The following DNAJC18 variants were observed in gnomAD, a reference collection of about 807,000 sequenced individuals.
The protein encoded by DNAJC18 is DnaJ heat shock protein family (Hsp40) member C18.
A neutral mutation model predicts 48.6 loss-of-function variants in DNAJC18; 40 were observed. That is an observed-to-expected ratio of 0.82 (90% CI 0.64 to 1.07). The LOEUF (loss-of-function observed/expected upper bound fraction) is 1.07, where lower values mean the gene tolerates loss of function less well. Among genes scored for constraint, DNAJC18 ranks in the 50% least tolerant of loss-of-function variants. DNAJC18 has a pLI of 0.00. For synonymous variants in DNAJC18, 135 were observed against 152.2 expected, an observed-to-expected ratio of 0.89 and a Z score of 0.83; for missense variants, 340 against 427.7, an observed-to-expected ratio of 0.79 and a Z score of 1.81.
rs765524060 is a variant in DNAJC18 at position 139,437,373 on chromosome 5, T to C, written c.226A>G (p.Arg76Gly). 1.9e-6 allele frequency: 3 copies of C among 1,607,766 alleles called. No homozygotes were observed. Among genetic ancestry groups the C allele is most frequent in the Admixed American group, 1.7e-5 (1 of 58,946 alleles). ...CATTTAATCTCACCACATGCTCACC[T>C]TTGTACCCCAAGCAGCTGTTCCTCA... is the stretch of plus-strand genomic sequence containing the variant. ...YSEEQLLGVQRIKKCRNYYEI... is the reference protein window; with the variant it reads ...YSEEQLLGVQGIKKCRNYYEI... The change falls in exon 2 of 8, where the codon AGG becomes GGG. Residue 76 changes from arginine (R) to glycine (G), a missense_variant and splice_region_variant. Arg to Gly is a moderately radical substitution (Grantham distance 125, BLOSUM62 -2). Coordinates refer to ENST00000302060, the MANE Select transcript of DNAJC18 (RefSeq NM_152686.4).
intron 2 of DNAJC18, among the ~76,000 whole-genome samples, chr5:139,433,956 A>G (rs1417153662): frequency 6.6e-6 from 1 of 152,102 alleles, no homozygotes; most frequent in East Asian, 1.9e-4. Context: ...CAATGGCACA[A>G]TCACAGCTCA....
At chr5:139,438,427 A>C (rs2152085818) in intron 1 of DNAJC18, among the ~76,000 whole-genome samples, 1 of 152,258 alleles carries the variant, frequency 6.6e-6, no homozygotes, top group South Asian at 2.1e-4. Context: ...TGTGTGGCCC[A>C]AGACAATTCT....
rs868863471 is a variant in DNAJC18, at chr5:139,427,796, T to C, written c.373+742A>G. 2.6e-5 allele frequency among the ~76,000 whole-genome samples: 4 copies of C among 152,242 alleles called. No individual in the cohort carries two copies. The East Asian group carries it at 7.7e-4, about 29-fold the overall frequency. ...GTCCCACCTTTTTTGTTTTTCATTA[T>C]GTTAAATTTTTTGGAAGAACAGATC... On this transcript the variant is annotated intron_variant, in intron 3 of 7. Transcript: ENST00000302060.
intron 2 of DNAJC18, among the ~76,000 whole-genome samples, chr5:139,429,219 G>A (rs189426242): frequency 6.6e-6 from 1 of 151,648 alleles, no homozygotes; most frequent in African/African-American, 2.4e-5. Context: ...GAGTAGCTGA[G>A]ATTACAGGGA....
chr5:139,414,586 A>C (rs1759044509), intron 7 of DNAJC18, among the ~76,000 whole-genome samples: 1 of 152,256 alleles, frequency 6.6e-6, no homozygotes, highest in Admixed American at 6.5e-5. Context: ...ACCACCCTAT[A>C]GCCTCCTACA....
intron 2 of DNAJC18, among the ~76,000 whole-genome samples, chr5:139,435,730 T>TTTTTTTTTTC (rs1438818286): frequency 7.6e-6 from 1 of 131,916 alleles, no homozygotes; most frequent in East Asian, 2.6e-4. Context: ...TTTTTTTTTT[T>TTTTTTTTTTC]TTCAGACAAG....
At chr5:139,432,245 A>C (rs1458737288) in intron 2 of DNAJC18, among the ~76,000 whole-genome samples, 1 of 151,040 alleles carries the variant, frequency 6.6e-6, no homozygotes, top group African/African-American at 2.4e-5. Context: ...ACTCACTGCA[A>C]CCTCCTCCTC....
At chr5:139,429,309 C>G (rs902652733) in intron 2 of DNAJC18, among the ~76,000 whole-genome samples, 12 of 152,070 alleles carry the variant, frequency 7.9e-5, no homozygotes, top group Non-Finnish European at 7.4e-5. Flanking sequence ...GTCTCAAACT[C>G]CTGACCTTGT....
chr5:139,426,388 CACAG>C, intron 3 of DNAJC18, 31 bp from the exon 4 acceptor site: 1 of 1,610,180 alleles, frequency 6.2e-7, no homozygotes, highest in Non-Finnish European at 8.5e-7. Flanking sequence ...CACATGAGGA[CACAG>C]TCTTTGCTAT....
intron 2 of DNAJC18, among the ~76,000 whole-genome samples, chr5:139,434,764 G>GTGTGTT (rs1327332400): frequency 6.6e-6 from 1 of 152,076 alleles, no homozygotes; most frequent in Admixed American, 6.6e-5. Flanking sequence ...GTGTGTGTGT[G>GTGTGTT]TGTGTATTCA....
intron 2 of DNAJC18, among the ~76,000 whole-genome samples, chr5:139,434,942 T>C (rs1750613213): frequency 6.6e-6 from 1 of 152,224 alleles, no homozygotes; most frequent in African/African-American, 2.4e-5. Flanking sequence ...GTCTTGTTCC[T>C]GATCTTGGTG....
At position 139,411,941 on chromosome 5, in the gene DNAJC18, C is replaced by G. The variant is rs529158139; in HGVS notation, c.*2207G>C. The stretch of plus-strand genomic sequence containing the variant: ...TGTGTGTAGAAGAACTTTCCATAAG[C>G]CTGTTTGGCTCATGGACATATTTTA... On this transcript the variant is annotated 3_prime_UTR_variant, in exon 8 of 8. Coordinates refer to ENST00000302060, the MANE Select transcript of DNAJC18 (RefSeq NM_152686.4). 7 of 152,220 alleles carry G rather than the reference C, an allele frequency of 4.6e-5. No individual in the cohort carries two copies. In the East Asian group the frequency reaches 1.2e-3, roughly 25 times the overall value. The allele number at this position is 152,220 out of a possible 1,614,324, so 9.4% of individuals were successfully genotyped here. A position where few individuals can be genotyped will look rare whatever the true frequency, so the allele number is the denominator to read the frequency against.
At chr5:139,426,539 G>A (rs915166166) in intron 3 of DNAJC18, among the ~76,000 whole-genome samples, 182 bp from the exon 4 acceptor site, 3 of 152,068 alleles carry the variant, frequency 2.0e-5, no homozygotes, top group South Asian at 2.1e-4. Context: ...TTCCCTGATC[G>A]CCAGAAACAA....
In DNAJC18 at chr5:139,420,055, T is replaced by C; in HGVS notation, c.950A>G (p.Gln317Arg). Residue 317 changes from glutamine to arginine, a missense_variant and splice_region_variant, in exon 7 of 8, where the codon CAA becomes CGA. Gln to Arg is a conservative substitution (Grantham distance 43). Transcript: ENST00000302060. ...ATGCCCCTTTTACAGTATCTTACTT[T>C]GTTGTTTCTCCTTCCAACAACTAGT... ...IQTSCWKEKQ[Q>R]KSELTNLAGL... The C allele has an allele frequency of 6.4e-7, 1 of 1,571,088 alleles. No homozygotes were observed. The highest frequency in any genetic ancestry group is 8.6e-7 in the Non-Finnish European group (1 of 1,164,096).
intron 2 of DNAJC18, among the ~76,000 whole-genome samples, chr5:139,434,543 G>A (rs1455687596): frequency 1.3e-5 from 2 of 152,040 alleles, no homozygotes; most frequent in African/African-American, 4.8e-5. Flanking sequence ...GGCTCGTCTT[G>A]AACTCCTAGC....
intron 2 of DNAJC18, among the ~76,000 whole-genome samples, chr5:139,434,806 C>G (rs962240105): frequency 6.6e-6 from 1 of 151,922 alleles, no homozygotes; most frequent in African/African-American, 2.4e-5. Context: ...ATCATGTCAT[C>G]TGTGGATGTA....
chr5:139,427,343 A>G (rs996750462), intron 3 of DNAJC18, among the ~76,000 whole-genome samples: 1 of 152,196 alleles, frequency 6.6e-6, no homozygotes, highest in African/African-American at 2.4e-5. Context: ...ATTTAAACAT[A>G]CAATCCGTAG....
Position 139,413,927 on chromosome 5 carries a change from C to A in DNAJC18, c.*221G>T. On this transcript the variant is annotated 3_prime_UTR_variant, in exon 8 of 8. Coordinates refer to ENST00000302060, the MANE Select transcript of DNAJC18 (RefSeq NM_152686.4). ...ATCCAATGCCTTGCCATTAATTTAA[C>A]TTAGATGAACTACTCCTGGTCCCTG... 1.8e-6 allele frequency: 1 copy of A among 552,178 alleles called. No individual in the cohort carries two copies. Among genetic ancestry groups the A allele is most frequent in the Admixed American group, 3.8e-5 (1 of 26,150 alleles). 34.2% of individuals were successfully genotyped at this position (552,178 alleles called of 1,614,324 possible). A position where few individuals can be genotyped will look rare whatever the true frequency, so the allele number is the denominator to read the frequency against.
chr5:139,420,253 G>T, intron 6 of DNAJC18, 28 bp from the exon 7 acceptor site: 1 of 1,583,220 alleles, frequency 6.3e-7, no homozygotes, highest in Middle Eastern at 1.9e-4. Flanking sequence ...AGGCTCATGT[G>T]AGCTCATAAT....
Sources: allele counts gnomAD v4.1 joint callset (sites outside exome capture counted in the v4.1 genomes callset), GRCh38; gene constraint gnomAD v4.1.1; transcripts MANE v1.5; gene names NCBI Gene and HGNC (gene_info 2026-07-23, HGNC 2026-07-21).